Variants in TMEM207 observed in about 807,000 individuals in gnomAD.
The protein encoded by TMEM207 is SRSR846.
TMEM207 carries 15 observed loss-of-function variants against 17.4 expected under a neutral mutation model. That is an observed-to-expected ratio of 0.86 (90% CI 0.58 to 1.33). TMEM207 has a LOEUF of 1.33. TMEM207 is among the 40% of genes most tolerant of loss of function. TMEM207 has a pLI of 0.00. For missense variants in TMEM207, 205 were observed against 173.8 expected (o/e 1.18, Z -1.01); for synonymous variants, 70 against 65.6 (o/e 1.07, Z -0.33).
intron 4 of TMEM207, among the ~76,000 whole-genome samples, chr3:190,438,959 G>T (rs1719862885): frequency 6.6e-6 from 1 of 152,056 alleles, no homozygotes; most frequent in African/African-American, 2.4e-5. Flanking sequence ...GGAGGCCGAG[G>T]CGGGCGGATC....
chr3:190,443,998 C>G (rs1719991934), intron 2 of TMEM207, among the ~76,000 whole-genome samples: 1 of 152,186 alleles, frequency 6.6e-6, no homozygotes, highest in Non-Finnish European at 1.5e-5. Flanking sequence ...GAGATGATTT[C>G]TGTGCAATAC....
intron 4 of TMEM207, 94 bp downstream of exon 4, chr3:190,440,150 A>G: frequency 6.9e-7 from 1 of 1,449,402 alleles, no homozygotes; most frequent in South Asian, 1.5e-5. Flanking sequence ...TCTTTTTCTA[A>G]GTTCCCAGAT....
At chr3:190,444,325 G>T in intron 2 of TMEM207, 2 of 645,360 alleles carry the variant, frequency 3.1e-6, no homozygotes, top group Non-Finnish European at 3.9e-6. Context: ...ATAGCTGGAA[G>T]TGGTAGAAGT....
intron 4 of TMEM207, among the ~76,000 whole-genome samples, chr3:190,430,655 C>T (rs766659484): frequency 3.3e-5 from 5 of 151,964 alleles, no homozygotes. Flanking sequence ...TAAAAAGAAA[C>T]TAGTCCCGTG....
intron 4 of TMEM207, among the ~76,000 whole-genome samples, chr3:190,437,319 A>G (rs1043497198): frequency 6.6e-6 from 1 of 152,208 alleles, no homozygotes; most frequent in Non-Finnish European, 1.5e-5. Flanking sequence ...CTGGTTCCCT[A>G]GCCCCAATTC....
chr3:190,440,235 A>T lies in TMEM207; in HGVS notation c.304+9T>A, dbSNP rs1249464597. ...CAAAAAAGAGTCCAGAAGCGTGCAG[A>T]CAACTCACCATAAATAGAGTCCAAG... On this transcript the variant is annotated intron_variant, in intron 4 of 4. Coordinates refer to ENST00000354905, the MANE Select transcript of TMEM207 (RefSeq NM_207316.3). The T allele has an allele frequency of 1.2e-6, 2 of 1,610,762 alleles. No homozygotes were observed. The highest frequency in any genetic ancestry group is 1.3e-5 in the African/African-American group (1 of 74,646).
chr3:190,445,400 C>T (rs1455693921), intron 2 of TMEM207, among the ~76,000 whole-genome samples: 3 of 152,080 alleles, frequency 2.0e-5, no homozygotes, highest in African/African-American at 7.2e-5. Flanking sequence ...AAATTTTATA[C>T]AAAGACAGCA....
chr3:190,429,460 T>G lies in TMEM207; in HGVS notation c.*135A>C. 7.7e-7 allele frequency: 1 copy of G among 1,291,866 alleles called. No homozygotes were observed. The highest frequency in any genetic ancestry group is 1.6e-5 in the South Asian group (1 of 62,460). The allele number at this position is 1,291,866 out of a possible 1,614,324, so 80.0% of individuals were successfully genotyped here. On this transcript the variant is annotated 3_prime_UTR_variant, in exon 5 of 5. Transcript: ENST00000354905. Reference sequence around the variant, plus strand: ...AAATTTTTTCCAACATCCATTCTTTTGTCGAATTGTCCTTCCTCAGACTAT... The same window carrying G: ...AAATTTTTTCCAACATCCATTCTTTGGTCGAATTGTCCTTCCTCAGACTAT...
At chr3:190,430,835 G>A (rs1389817234) in intron 4 of TMEM207, among the ~76,000 whole-genome samples, 1 of 151,926 alleles carries the variant, frequency 6.6e-6, no homozygotes, top group East Asian at 1.9e-4. Flanking sequence ...GTCTTTAATG[G>A]AAAAAGTTTG....
At chr3:190,435,430 AT>A in intron 4 of TMEM207, among the ~76,000 whole-genome samples, 1 of 152,336 alleles carries the variant, frequency 6.6e-6, no homozygotes, top group Admixed American at 6.5e-5. Context: ...TAAAGGCCCT[AT>A]CTTCAAATAT....
chr3:190,444,033 A>G (rs1021186863), intron 2 of TMEM207, among the ~76,000 whole-genome samples: 1 of 152,130 alleles, frequency 6.6e-6, no homozygotes, highest in Non-Finnish European at 1.5e-5. Context: ...GTTGATCTTT[A>G]TTCTTCTTCT....
intron 2 of TMEM207, chr3:190,444,504 TA>T (rs60389324): frequency 0.041 from 31,294 of 762,206 alleles, 342 homozygotes; most frequent in African/African-American, 0.14. Context: ...TACTGAAAAT[TA>T]AAAAAAAAAA....
chr3:190,447,768 G>C (rs376790002), intron 2 of TMEM207, 22 bp downstream of exon 2: 2 of 1,606,904 alleles, frequency 1.2e-6, no homozygotes, highest in African/African-American at 2.7e-5. Flanking sequence ...TAAAAACATG[G>C]AGTTTTTCGC....
chr3:190,448,116 T>G lies in TMEM207; in HGVS notation c.76-289A>C, dbSNP rs146664300. On this transcript the variant is annotated intron_variant, in intron 1 of 4. Coordinates refer to ENST00000354905, the MANE Select transcript of TMEM207 (RefSeq NM_207316.3). ...TTTTTGTTTTTTCTATATGCAGATT[T>G]TGCTTGCTCTAAAGAGCTTTTGTGC... 2.7e-3 allele frequency among the ~76,000 whole-genome samples: 417 copies of G among 152,274 alleles called. 3 individuals carry two copies. Among genetic ancestry groups the G allele is most frequent in the African/African-American group, 9.3e-3 (385 of 41,558 alleles).
At chr3:190,430,053 A>G (rs527417702) in intron 4 of TMEM207, among the ~76,000 whole-genome samples, 2 of 152,318 alleles carry the variant, frequency 1.3e-5, no homozygotes, top group Admixed American at 1.3e-4. Context: ...CACTAATGGC[A>G]TTTCAGCTAA....
Position 190,429,332 on chromosome 3 carries a change from T to C in TMEM207, c.*263A>G. The C allele has an allele frequency of 2.5e-6, 1 of 395,394 alleles. No homozygotes were observed. 24.5% of individuals were successfully genotyped at this position (395,394 alleles called of 1,614,324 possible). On this transcript the variant is annotated 3_prime_UTR_variant, in exon 5 of 5. Coordinates refer to ENST00000354905, the MANE Select transcript of TMEM207 (RefSeq NM_207316.3). The stretch of plus-strand genomic sequence containing the variant: ...AGCACCTAATTGTTGCCTGTTTGGA[T>C]ACTAGTGGAGAAGCATTAATTTGGT...
chr3:190,448,395 A>C (rs1233999923), intron 1 of TMEM207, among the ~76,000 whole-genome samples: 1 of 152,144 alleles, frequency 6.6e-6, no homozygotes, highest in Non-Finnish European at 1.5e-5. Flanking sequence ...GAAGAGAAAA[A>C]AAGTAATCAT....
chr3:190,448,980 A>T (rs946618815), intron 1 of TMEM207, among the ~76,000 whole-genome samples: 6 of 152,204 alleles, frequency 3.9e-5, no homozygotes, highest in Non-Finnish European at 7.4e-5. Context: ...ATGAACATTC[A>T]CATTTTGTCC....
In TMEM207 at chr3:190,449,077, G is replaced by C. The variant is rs138047086; in HGVS notation, c.75+658C>G. Among the ~76,000 whole-genome samples the C allele has an allele frequency of 2.7e-3, 418 of 152,296 alleles. 3 individuals carry two copies. The highest frequency in any genetic ancestry group is 9.3e-3 in the African/African-American group (386 of 41,566). ...AATAAAACCAGTATTTCACTTTCAA[G>C]TCACTTCCGTGTTTTTTCTGTGTGT... is the stretch of plus-strand genomic sequence containing the variant. On this transcript the variant is annotated intron_variant, in intron 1 of 4. Transcript: ENST00000354905.
Sources: allele counts gnomAD v4.1 joint callset (sites outside exome capture counted in the v4.1 genomes callset), GRCh38; gene constraint gnomAD v4.1.1; transcripts MANE v1.5; gene names NCBI Gene and HGNC (gene_info 2026-07-23, HGNC 2026-07-21).